Variants in ATP8A2 observed in about 807,000 individuals in gnomAD.
ATP8A2 encodes the protein ATPase phospholipid transporting 8A2.
Under a neutral mutation model 165.6 loss-of-function variants are expected in ATP8A2, and 100 were observed. That is an observed-to-expected ratio of 0.60 (90% CI 0.51 to 0.71). The LOEUF is 0.71. Among genes scored for constraint, ATP8A2 ranks in the 30% least tolerant of loss-of-function variants. ATP8A2 has a pLI of 0.00. For synonymous variants in ATP8A2, 543 were observed against 548.8 expected (o/e 0.99, Z 0.15); for missense variants, 1,227 against 1,479.5 (o/e 0.83, Z 2.80).
chr13:26,012,910 A>T, intron 36 of ATP8A2, among the ~76,000 whole-genome samples: 1 of 152,212 alleles, frequency 6.6e-6, no homozygotes. Flanking sequence ...AGGTTGAAGC[A>T]GTATGACTTT....
intron 1 of ATP8A2, among the ~76,000 whole-genome samples, chr13:25,385,206 G>A (rs2032997269): frequency 6.6e-6 from 1 of 152,188 alleles, no homozygotes. Flanking sequence ...TGGTGGAGGA[G>A]GGAAGCCAAC....
chr13:25,482,548 C>T lies in ATP8A2; in HGVS notation c.221+13427C>T, dbSNP rs190800933. Among the ~76,000 whole-genome samples the T allele has an allele frequency of 1.2e-3, 190 of 152,134 alleles. 3 individuals are homozygous for T. The highest frequency in any genetic ancestry group is 0.012 in the Admixed American group (179 of 15,276). ...TGTGCAGAGGTGCAGAAGAGTGTAA[C>T]GGCCAGGTGTATGTCTTTCCAGAAA... On this transcript the variant is annotated intron_variant, in intron 2 of 36. Transcript: ENST00000381655.
intron 24 of ATP8A2, among the ~76,000 whole-genome samples, chr13:25,686,721 G>A (rs1394947708): frequency 1.3e-5 from 2 of 152,112 alleles, no homozygotes; most frequent in Non-Finnish European, 2.9e-5. Context: ...TTCGCCATCA[G>A]GACCTTTTGT....
At position 25,750,108 on chromosome 13, in the gene ATP8A2, G is replaced by C. The variant is rs2044122106; in HGVS notation, c.2385-18938G>C. On this transcript the variant is annotated intron_variant, in intron 25 of 36. Transcript: ENST00000381655. This position sits in a 1 kb window ranked among gnomAD's most constrained non-coding sequence, Gnocchi z 4.3. ...GTTCATCTTTAGAAATCATCTGATTGTCTCAATATTTATTTACTTATTTGT... is the reference window on the plus strand; with the variant it reads ...GTTCATCTTTAGAAATCATCTGATTCTCTCAATATTTATTTACTTATTTGT... Among the ~76,000 whole-genome samples, 1 of 152,192 alleles carries C rather than the reference G, an allele frequency of 6.6e-6. No individual in the cohort carries two copies.
At chr13:25,540,221 C>A in intron 7 of ATP8A2, 98 bp from the exon 8 acceptor site, 1 of 858,694 alleles carries the variant, frequency 1.2e-6, no homozygotes, top group Non-Finnish European at 2.0e-6. Flanking sequence ...TTTTGAAGGG[C>A]CAATCAGCAG....
intron 25 of ATP8A2, chr13:25,705,133 C>T (rs889863448): frequency 4.7e-6 from 2 of 427,714 alleles, no homozygotes; most frequent in East Asian, 7.7e-5. Flanking sequence ...TCTTTCTTCC[C>T]CCTTTCTCAT....
intron 33 of ATP8A2, among the ~76,000 whole-genome samples, chr13:25,867,616 T>G (rs1486259756): frequency 6.6e-6 from 1 of 152,148 alleles, no homozygotes; most frequent in African/African-American, 2.4e-5. Context: ...TTCACTGATG[T>G]GCTGTGACTT....
chr13:25,876,604 A>T (rs997720053), intron 33 of ATP8A2, among the ~76,000 whole-genome samples: 2 of 152,232 alleles, frequency 1.3e-5, no homozygotes, highest in East Asian at 3.8e-4. Context: ...TGACCATGAA[A>T]AAAGATCCTT....
In ATP8A2 at chr13:25,729,618, C is replaced by A. The variant is rs1445604219; in HGVS notation, c.2384+30273C>A. ...TTTTTCCTGGTTTGGTGTTGTTATTCCCCTGGCAAGGTGTGCATGAAGTCG... is the reference window on the plus strand; with the variant it reads ...TTTTTCCTGGTTTGGTGTTGTTATTACCCTGGCAAGGTGTGCATGAAGTCG... On this transcript the variant is annotated intron_variant, in intron 25 of 36. Coordinates refer to ENST00000381655, the MANE Select transcript of ATP8A2 (RefSeq NM_016529.6). Among the ~76,000 whole-genome samples, 5 of 152,170 alleles carry A rather than the reference C, an allele frequency of 3.3e-5. No homozygotes were observed. In the East Asian group the frequency reaches 9.7e-4, roughly 29 times the overall value.
At chr13:25,696,425 A>G (rs1034816390) in intron 24 of ATP8A2, among the ~76,000 whole-genome samples, 1 of 152,206 alleles carries the variant, frequency 6.6e-6, no homozygotes, top group African/African-American at 2.4e-5. Flanking sequence ...CCTAGATGGC[A>G]TCTTCTTTTA....
At chr13:25,614,565 G>A (rs1442409118) in intron 24 of ATP8A2, among the ~76,000 whole-genome samples, 4 of 152,108 alleles carry the variant, frequency 2.6e-5, no homozygotes, top group Admixed American at 6.5e-5. Flanking sequence ...TTTTGGAGGT[G>A]TTAAAGGACA....
chr13:25,543,343 A>C lies in ATP8A2; in HGVS notation c.832A>C (p.Asn278His). 6.2e-7 allele frequency: 1 copy of C among 1,613,630 alleles called. No homozygotes were observed. The highest frequency in any genetic ancestry group is 1.1e-5 in the South Asian group (1 of 91,026). The change falls in exon 10 of 37, where the codon AAT becomes CAT. Residue 278 changes from asparagine (N) to histidine (H), a missense_variant. Coordinates refer to ENST00000381655, the MANE Select transcript of ATP8A2 (RefSeq NM_016529.6). ...CTTATTAAGAGGTACACAGCTTAGA[A>C]ATACTCAGTGGGTCTTTGGCATAGT... ...QILLRGTQLR[N>H]TQWVFGIVVY...
chr13:25,391,180 A>G (rs937520716), intron 1 of ATP8A2, among the ~76,000 whole-genome samples: 1 of 152,224 alleles, frequency 6.6e-6, no homozygotes, highest in African/African-American at 2.4e-5. Context: ...GGGAAGAATC[A>G]GTAAATCAGA....
intron 29 of ATP8A2, 140 bp downstream of exon 29, chr13:25,837,425 A>AC (rs1484821863): frequency 5.1e-3 from 7 of 1,376 alleles, no homozygotes; most frequent in African/African-American, 0.012. Context: ...CCCCACCACC[A>AC]CACACACACA....
intron 2 of ATP8A2, among the ~76,000 whole-genome samples, chr13:25,499,157 AGGCCAACTATG>A (rs1044761012): frequency 2.0e-5 from 3 of 152,310 alleles, no homozygotes; most frequent in Admixed American, 2.0e-4. Context: ...GTACTCCCTC[AGGCCAACTATG>A]GGCCCAGACC....
intron 24 of ATP8A2, among the ~76,000 whole-genome samples, chr13:25,656,442 A>C (rs78001918): frequency 0.034 from 5,206 of 151,826 alleles, 157 homozygotes; most frequent in East Asian, 0.13. Flanking sequence ...TGCCCGGCTA[A>C]TTTTTGTATT....
intron 24 of ATP8A2, among the ~76,000 whole-genome samples, chr13:25,664,402 G>T (rs2042109807): frequency 6.6e-6 from 1 of 152,156 alleles, no homozygotes; most frequent in Admixed American, 6.5e-5. Context: ...CTCTTCTGGA[G>T]TGGGCAGTTG....
chr13:25,739,293 A>C (rs918315117), intron 25 of ATP8A2, among the ~76,000 whole-genome samples: 1 of 152,222 alleles, frequency 6.6e-6, no homozygotes, highest in African/African-American at 2.4e-5. Flanking sequence ...CTTTGAGTGT[A>C]TCTCACATAT....
At chr13:25,943,821 G>A (rs570823282) in intron 33 of ATP8A2, among the ~76,000 whole-genome samples, 2 of 151,998 alleles carry the variant, frequency 1.3e-5, no homozygotes, top group African/African-American at 4.8e-5. Flanking sequence ...TCATGGATAA[G>A]CTGCATGTTG....
Sources: gnomAD v4.1 joint callset for allele counts (sites outside exome capture counted in the v4.1 genomes callset) on GRCh38, gnomAD v4.1.1 for gene constraint, Gnocchi (gnomAD v3.1) non-coding constraint, MANE v1.5 for transcripts, NCBI Gene and HGNC (gene_info 2026-07-23, HGNC 2026-07-21) for gene names.